GRHL2: variants seen among roughly 807,000 people sequenced by gnomAD.
GRHL2 encodes the protein grainyhead-like protein 2 homolog.
Under a neutral mutation model 83.8 loss-of-function variants are expected in GRHL2, and 21 were observed. The ratio of observed to expected loss-of-function variants is 0.25; its 90% CI spans 0.18 to 0.36. The LOEUF is 0.36. Among genes scored for constraint, GRHL2 ranks in the 10% least tolerant of loss-of-function variants. The probability of loss-of-function intolerance (pLI) is 1.00; values close to 1 mark genes in which losing one functional copy is unlikely to be tolerated. For synonymous variants in GRHL2, 280 were observed against 278.9 expected (o/e 1.00, Z -0.04); for missense variants, 623 against 781.8 (o/e 0.80, Z 2.42).
At chr8:101,597,347 A>G (rs1812411851) in intron 7 of GRHL2, among the ~76,000 whole-genome samples, 1 of 152,200 alleles carries the variant, frequency 6.6e-6, no homozygotes, top group South Asian at 2.1e-4. Flanking sequence ...AGAAATAGGC[A>G]TGCAACTATG....
intron 1 of GRHL2, among the ~76,000 whole-genome samples, chr8:101,541,147 GGTGTGTGTGTGTGT>G (rs56763374): frequency 0.034 from 4,892 of 144,342 alleles, 261 homozygotes; most frequent in African/African-American, 0.12. Flanking sequence ...ACTATTTCAT[GGTGTGTGTGTGTGT>G]GTGTGTGTGT....
chr8:101,559,351 T>TGCAAAAAAAAAAAA lies in GRHL2; in HGVS notation c.678+539_678+540insGCAAAAAAAAAAAA, dbSNP rs1285229771. Among the ~76,000 whole-genome samples, 23 of 19,226 alleles carry TGCAAAAAAAAAAAA rather than the reference T, an allele frequency of 1.2e-3. 1 individual carries two copies. The highest frequency in any genetic ancestry group is 8.1e-3 in the East Asian group (5 of 618). 12.6% of individuals were successfully genotyped at this position (19,226 alleles called of 152,430 possible). On this transcript the variant is annotated intron_variant, in intron 4 of 15. Coordinates refer to ENST00000646743, the MANE Select transcript of GRHL2 (RefSeq NM_024915.4). ...GGTGAACTCCTGTCTCTACTAAAAATACAAAAAAAAAAAAAAAAAAAAAAA... is the reference window on the plus strand; with the variant it reads ...GGTGAACTCCTGTCTCTACTAAAAATGCAAAAAAAAAAAAACAAAAAAAAAAAAAAAAAAAAAAA...
chr8:101,604,667 T>A (rs182358079), intron 8 of GRHL2, among the ~76,000 whole-genome samples: 1 of 152,170 alleles, frequency 6.6e-6, no homozygotes, highest in Non-Finnish European at 1.5e-5. Flanking sequence ...TGGTTTATTA[T>A]ACATAAGATT....
intron 1 of GRHL2, among the ~76,000 whole-genome samples, chr8:101,532,574 A>G (rs1263576934): frequency 6.6e-6 from 1 of 152,032 alleles, no homozygotes; most frequent in Non-Finnish European, 1.5e-5. Flanking sequence ...ACATGGTGAA[A>G]CCCTGTCTCT....
At chr8:101,521,689 C>T (rs955746147) in intron 1 of GRHL2, among the ~76,000 whole-genome samples, 3 of 152,026 alleles carry the variant, frequency 2.0e-5, no homozygotes, top group Non-Finnish European at 2.9e-5. Context: ...GCAGTGTTTC[C>T]GTTATTTAAC....
chr8:101,589,456 C>G (rs1160728004), intron 7 of GRHL2, among the ~76,000 whole-genome samples: 1 of 152,128 alleles, frequency 6.6e-6, no homozygotes, highest in African/African-American at 2.4e-5. Context: ...AGTTTGAAAT[C>G]AAGTTTGTTA....
intron 1 of GRHL2, among the ~76,000 whole-genome samples, chr8:101,525,029 G>A (rs532405676): frequency 2.6e-4 from 40 of 151,792 alleles, no homozygotes; most frequent in Non-Finnish European, 4.4e-5. Flanking sequence ...CACAACCTCC[G>A]CCTCCCAGGT....
chr8:101,549,500 G>C (rs1008024670), intron 2 of GRHL2, among the ~76,000 whole-genome samples: 1 of 152,202 alleles, frequency 6.6e-6, no homozygotes, highest in African/African-American at 2.4e-5. Context: ...TGAGCCTGGA[G>C]GCTGGTGTCC....
intron 7 of GRHL2, among the ~76,000 whole-genome samples, chr8:101,591,943 G>A (rs1312537829): frequency 6.6e-6 from 1 of 152,128 alleles, no homozygotes; most frequent in Non-Finnish European, 1.5e-5. Context: ...GGTGGTGCTT[G>A]AATCTTACTG....
intron 7 of GRHL2, among the ~76,000 whole-genome samples, chr8:101,590,398 A>G (rs1264355495): frequency 6.6e-6 from 1 of 151,292 alleles, no homozygotes; most frequent in Non-Finnish European, 1.5e-5. Flanking sequence ...TCCTGGAATG[A>G]CCCTCTCCTG....
intron 14 of GRHL2, among the ~76,000 whole-genome samples, chr8:101,653,295 C>T (rs1262104562): frequency 6.6e-6 from 1 of 152,084 alleles, no homozygotes; most frequent in African/African-American, 2.4e-5. Context: ...AGAAAAAATG[C>T]TCAGTGAGTA....
chr8:101,551,627 G>C (rs200680899), intron 2 of GRHL2, among the ~76,000 whole-genome samples: 76 of 149,052 alleles, frequency 5.1e-4, no homozygotes, highest in African/African-American at 1.8e-3. Context: ...CAAAAAAAAA[G>C]AAAGAAAGAA....
intron 1 of GRHL2, among the ~76,000 whole-genome samples, chr8:101,524,137 C>T (rs186005162): frequency 2.6e-5 from 4 of 152,124 alleles, no homozygotes; most frequent in Non-Finnish European, 5.9e-5. Flanking sequence ...TATATTTTTC[C>T]AGAAATGTTC....
At chr8:101,543,519 C>A (rs1195038499) in intron 2 of GRHL2, 83 bp downstream of exon 2, 1 of 1,322,476 alleles carries the variant, frequency 7.6e-7, no homozygotes, top group East Asian at 2.3e-5. Context: ...GATTGTTTGT[C>A]CCAGGCCAGG....
At position 101,643,546 on chromosome 8, in the gene GRHL2, A is replaced by G. The variant is rs980570413; in HGVS notation, c.1518-585A>G. On this transcript the variant is annotated intron_variant, in intron 12 of 15. Coordinates refer to ENST00000646743, the MANE Select transcript of GRHL2 (RefSeq NM_024915.4). ...AAGGGGACTGCAAACCTCTCCCGAG[A>G]AGGAGCAAAGGCCTGGGCAGCCAAG... Among the ~76,000 whole-genome samples the G allele has an allele frequency of 4.6e-5, 7 of 152,154 alleles. No individual in the cohort carries two copies. The South Asian group carries it at 8.3e-4, about 18-fold the overall frequency.
At chr8:101,552,274 C>T (rs1811398505) in intron 2 of GRHL2, among the ~76,000 whole-genome samples, 2 of 152,218 alleles carry the variant, frequency 1.3e-5, no homozygotes, top group Non-Finnish European at 2.9e-5. Flanking sequence ...ACCACGTCAG[C>T]ACTTAAAGTT....
intron 1 of GRHL2, among the ~76,000 whole-genome samples, chr8:101,531,010 C>T (rs1810913735): frequency 6.6e-6 from 1 of 152,112 alleles, no homozygotes; most frequent in African/African-American, 2.4e-5. Flanking sequence ...GCAGGTGGAT[C>T]ACTTGAGCTC....
chr8:101,637,585 G>T (rs1813314858), intron 12 of GRHL2, among the ~76,000 whole-genome samples: 1 of 152,120 alleles, frequency 6.6e-6, no homozygotes. Flanking sequence ...CAGAATTTTA[G>T]GGCCAAAAAG....
In GRHL2 at chr8:101,538,096, C is replaced by A. The variant is rs188808398; in HGVS notation, c.21-5145C>A. On this transcript the variant is annotated intron_variant, in intron 1 of 15. Transcript: ENST00000646743. ...ATGAACATGCATTGCGTGACGGGCA[C>A]TGTCCTAGTTTTTGTTTTGGATCCC... 2.6e-5 allele frequency among the ~76,000 whole-genome samples: 4 copies of A among 152,282 alleles called. No homozygotes were observed. The East Asian group carries it at 7.7e-4, about 29-fold the overall frequency.
Sources: allele counts gnomAD v4.1 joint callset (sites outside exome capture counted in the v4.1 genomes callset), GRCh38; gene constraint gnomAD v4.1.1; transcripts MANE v1.5; gene names NCBI Gene and HGNC (gene_info 2026-07-23, HGNC 2026-07-21).